The following B4GALNT2 variants were observed in gnomAD, a reference collection of about 807,000 sequenced individuals.
B4GALNT2 encodes the protein N-acetylneuraminylgalactosylglucosyl-glucoside beta-1,4-N- acetylgalactosaminyltransferase 2.
Under a neutral mutation model 51.1 loss-of-function variants are expected in B4GALNT2, and 42 were observed. That is an observed-to-expected ratio of 0.82 (90% CI 0.64 to 1.06). B4GALNT2 has a LOEUF of 1.06. B4GALNT2 is among the 50% of genes least tolerant of loss of function. The pLI is 0.00. For missense variants in B4GALNT2, 602 were observed against 633.6 expected (o/e 0.95, Z 0.54); for synonymous variants, 253 against 251.7 (o/e 1.01, Z -0.05).
rs780247929 is a variant in B4GALNT2, at chr17:49,141,460, G to A, written c.215+13G>A. 18 of 1,611,558 alleles carry A rather than the reference G, an allele frequency of 1.1e-5. No homozygotes were observed. The East Asian group carries it at 1.6e-4, about 14-fold the overall frequency. On this transcript the variant is annotated intron_variant, in intron 2 of 10. Transcript: ENST00000393354. ...ACGATGGAATCTGGTGAGAGACTGCGTGTTCTTTCTTTCACCTTAATGCAC... is the reference window on the plus strand; with the variant it reads ...ACGATGGAATCTGGTGAGAGACTGCATGTTCTTTCTTTCACCTTAATGCAC...
chr17:49,136,777 C>G (rs940208885), intron 1 of B4GALNT2, among the ~76,000 whole-genome samples: 2 of 151,982 alleles, frequency 1.3e-5, no homozygotes, highest in African/African-American at 4.8e-5. Flanking sequence ...GAATTCCTGA[C>G]CTCAGGTGAT....
At position 49,173,103 on chromosome 17, in the gene B4GALNT2, C is replaced by G. The variant is rs2042967341; in HGVS notation, c.*3375C>G. Reference sequence around the variant, plus strand: ...ATTGCATTAGCAACTAGGTGATCAGCCATTTGATTCCCTTCAGTTAAAGGT... The same window carrying G: ...ATTGCATTAGCAACTAGGTGATCAGGCATTTGATTCCCTTCAGTTAAAGGT... On this transcript the variant is annotated 3_prime_UTR_variant, in exon 11 of 11. Transcript: ENST00000393354. 6.6e-6 allele frequency: 1 copy of G among 152,172 alleles called. No individual in the cohort carries two copies. The highest frequency in any genetic ancestry group is 6.5e-5 in the Admixed American group (1 of 15,270). The allele number at this position is 152,172 out of a possible 1,614,324, so 9.4% of individuals were successfully genotyped here.
Position 49,159,031 on chromosome 17 carries a change from C to T in B4GALNT2, c.499-6C>T, listed in dbSNP as rs1339864042. ...ATTGAGCATCATTCTACCTCACCCA[C>T]CCTAGGTCACCCTGACAGCTTCTCT... is the stretch of plus-strand genomic sequence containing the variant. On this transcript the variant is annotated splice_region_variant and splice_polypyrimidine_tract_variant and intron_variant, in intron 5 of 10. Coordinates refer to ENST00000393354, the MANE Select transcript of B4GALNT2 (RefSeq NM_001159387.2). 6.2e-7 allele frequency: 1 copy of T among 1,613,700 alleles called. No homozygotes were observed. Among genetic ancestry groups the T allele is most frequent in the East Asian group, 2.2e-5 (1 of 44,878 alleles).
At chr17:49,148,586 C>T (rs2042719817) in intron 3 of B4GALNT2, 1 of 459,770 alleles carries the variant, frequency 2.2e-6, no homozygotes, top group African/African-American at 2.0e-5. Context: ...ACTGGATACC[C>T]TTGTTGGTAA....
At chr17:49,141,184 CAT>C in intron 1 of B4GALNT2, 61 bp from the exon 2 acceptor site, 9 of 1,467,960 alleles carry the variant, frequency 6.1e-6, no homozygotes, top group Non-Finnish European at 8.6e-6. Context: ...TTATCAGTCT[CAT>C]ATACATTACA....
intron 3 of B4GALNT2, among the ~76,000 whole-genome samples, chr17:49,152,411 C>T (rs901240975): frequency 3.3e-5 from 5 of 152,076 alleles, no homozygotes; most frequent in African/African-American, 4.8e-5. Flanking sequence ...CGGTGGCTCA[C>T]GCCTGTAATC....
intron 3 of B4GALNT2, among the ~76,000 whole-genome samples, chr17:49,147,121 C>T (rs773657456): frequency 9.2e-5 from 14 of 152,088 alleles, no homozygotes; most frequent in East Asian, 1.9e-4. Context: ...AGGAATGACC[C>T]GGGGATCCAT....
the B4GALNT2 span, among the ~76,000 whole-genome samples, chr17:49,124,680 C>T: frequency 1.4e-5 from 2 of 143,890 alleles, no homozygotes; most frequent in African/African-American, 2.6e-5. Context: ...TATATTAGTG[C>T]TATTAATGTT....
intron 3 of B4GALNT2, among the ~76,000 whole-genome samples, chr17:49,146,840 T>G (rs2042699715): frequency 6.6e-6 from 1 of 152,188 alleles, no homozygotes; most frequent in Non-Finnish European, 1.5e-5. Context: ...CTTCTAAGAT[T>G]GGGCTCTCTC....
rs2042991680 is a variant in B4GALNT2 at position 49,176,744 on chromosome 17, AC to A, written c.*7017del. 1 of 152,140 alleles carries A rather than the reference AC, an allele frequency of 6.6e-6. No homozygotes were observed. The highest frequency in any genetic ancestry group is 2.1e-4 in the South Asian group (1 of 4,834). 9.4% of individuals were successfully genotyped at this position (152,140 alleles called of 1,614,324 possible). A position where few individuals can be genotyped will look rare whatever the true frequency, so the allele number is the denominator to read the frequency against. ...CTTTACAGTTTCTGTTTACCTGTAA[AC>A]TTTTTCTTCCTGTGGCCTAGGGTAG... On this transcript the variant is annotated 3_prime_UTR_variant, in exon 11 of 11. Coordinates refer to ENST00000393354, the MANE Select transcript of B4GALNT2 (RefSeq NM_001159387.2).
At chr17:49,133,741 C>T (rs1285340027) in intron 1 of B4GALNT2, among the ~76,000 whole-genome samples, 13 of 151,932 alleles carry the variant, frequency 8.6e-5, no homozygotes, top group Non-Finnish European at 1.3e-4. Flanking sequence ...GGTGAAACCC[C>T]GTCTCTACTA....
chr17:49,143,160 A>C (rs2042660719), intron 3 of B4GALNT2, among the ~76,000 whole-genome samples: 2 of 152,074 alleles, frequency 1.3e-5, no homozygotes, highest in Admixed American at 6.6e-5. Flanking sequence ...GAGGCAGGAG[A>C]ATCACTTGAA....
chr17:49,159,110 G>T lies in B4GALNT2; in HGVS notation c.572G>T (p.Gly191Val). ...CCAGACAGTGTGGTGCAGGGCAGAG[G>T]CCAGAAGCAGCTGATCATTTCTACC... is the stretch of plus-strand genomic sequence containing the variant. Reference protein sequence around the residue: ...DVPDSVVQGRGQKQLIISTSD... With the variant: ...DVPDSVVQGRVQKQLIISTSD... Residue 191 changes from glycine to valine, a missense_variant, in exon 6 of 11, where the codon GGC becomes GTC. Transcript: ENST00000393354. The T allele has an allele frequency of 1.9e-6, 3 of 1,614,226 alleles. No individual in the cohort carries two copies. Among genetic ancestry groups the T allele is most frequent in the Non-Finnish European group, 2.5e-6 (3 of 1,180,036 alleles).
At chr17:49,162,177 G>A (rs2042871198) in intron 7 of B4GALNT2, among the ~76,000 whole-genome samples, 1 of 151,794 alleles carries the variant, frequency 6.6e-6, no homozygotes, top group South Asian at 2.1e-4. Context: ...ATTTTAATAA[G>A]TAAAGTCAAA....
At position 49,170,717 on chromosome 17, in the gene B4GALNT2, T is replaced by C. The variant is rs2042952510; in HGVS notation, c.*989T>C. 1 of 151,948 alleles carries C rather than the reference T, an allele frequency of 6.6e-6. No individual in the cohort carries two copies. Among genetic ancestry groups the C allele is most frequent in the African/African-American group, 2.4e-5 (1 of 41,310 alleles). The allele number at this position is 151,948 out of a possible 1,614,324, so 9.4% of individuals were successfully genotyped here. A position where few individuals can be genotyped will look rare whatever the true frequency, so the allele number is the denominator to read the frequency against. On this transcript the variant is annotated 3_prime_UTR_variant, in exon 11 of 11. Coordinates refer to ENST00000393354, the MANE Select transcript of B4GALNT2 (RefSeq NM_001159387.2). ...GGAATTAAAGACACACACATAGAAA[T>C]ATAGAGTGTGGAGTGGGAAATCAGG...
the B4GALNT2 span, among the ~76,000 whole-genome samples, chr17:49,126,480 A>T: frequency 1.2e-4 from 15 of 126,712 alleles, no homozygotes; most frequent in Non-Finnish European, 1.8e-4. Context: ...TGTGAGAAAC[A>T]CCCAAGAATG....
intron 10 of B4GALNT2, 105 bp downstream of exon 10, chr17:49,169,005 C>A: frequency 8.5e-7 from 1 of 1,174,958 alleles, no homozygotes; most frequent in Non-Finnish European, 1.2e-6. Flanking sequence ...AGTCGCTTGC[C>A]CAGTAGCAGT....
chr17:49,147,584 C>T (rs557155014), intron 3 of B4GALNT2, among the ~76,000 whole-genome samples: 49 of 151,872 alleles, frequency 3.2e-4, no homozygotes, highest in African/African-American at 1.1e-3. Flanking sequence ...CCATGTTGCC[C>T]AGGCTTGTCT....
upstream of B4GALNT2, among the ~76,000 whole-genome samples, chr17:49,129,438 A>T (rs552680392): frequency 3.9e-5 from 6 of 152,234 alleles, no homozygotes; most frequent in Non-Finnish European, 8.8e-5. Context: ...CTCAGGATCC[A>T]GTGGGATGAG....
Sources: gnomAD v4.1 joint callset for allele counts (sites outside exome capture counted in the v4.1 genomes callset) on GRCh38, gnomAD v4.1.1 for gene constraint, MANE v1.5 for transcripts, NCBI Gene and HGNC (gene_info 2026-07-23, HGNC 2026-07-21) for gene names.